ZNF213: variants seen among roughly 807,000 people sequenced by gnomAD.
The protein encoded by ZNF213 is zinc finger protein 213.
Under a neutral mutation model 46.0 loss-of-function variants are expected in ZNF213, and 32 were observed. The observed-to-expected ratio is 0.70, with a 90% CI of 0.52 to 0.93. The LOEUF (loss-of-function observed/expected upper bound fraction) is 0.93. Ranked by LOEUF, ZNF213 falls within the 40% of genes least tolerant of loss-of-function variation. The pLI is 0.00. For missense variants in ZNF213, 639 were observed against 652.8 expected, an observed-to-expected ratio of 0.98 and a Z score of 0.23; for synonymous variants, 297 against 271.0, an observed-to-expected ratio of 1.10 and a Z score of -0.94.
rs1957613868 is a variant in ZNF213, at chr16:3,142,219, C to G, written c.*872C>G. ...CTGCTCCATCGGCACTGGCGCCCTG[C>G]TCCATCGGCACTAATGCTCCACTCG... On this transcript the variant is annotated 3_prime_UTR_variant, in exon 6 of 6. Coordinates refer to ENST00000396878, the MANE Select transcript of ZNF213 (RefSeq NM_004220.3). 1 of 230,322 alleles carries G rather than the reference C, an allele frequency of 4.3e-6. No individual in the cohort carries two copies. The highest frequency in any genetic ancestry group is 2.4e-5 in the African/African-American group (1 of 42,290). The allele number at this position is 230,322 out of a possible 1,614,324, so 14.3% of individuals were successfully genotyped here.
At chr16:3,138,312 AC>A (rs755491500) in intron 2 of ZNF213, 105 bp from the exon 3 acceptor site, 291 of 1,543,726 alleles carry the variant, frequency 1.9e-4, no homozygotes, top group Non-Finnish European at 2.4e-4. Flanking sequence ...TCCTTCCCAC[AC>A]CCCAGCATCC....
chr16:3,140,639 T>A (rs768271283), intron 5 of ZNF213, 50 bp from the exon 6 acceptor site: 12 of 1,467,986 alleles, frequency 8.2e-6, no homozygotes, highest in Non-Finnish European at 1.1e-5. Flanking sequence ...ACCTCAGCTC[T>A]GGCCCCAGAA....
chr16:3,135,838 C>T (rs1321654173), intron 1 of ZNF213, among the ~76,000 whole-genome samples: 2 of 136,066 alleles, frequency 1.5e-5, no homozygotes, highest in Non-Finnish European at 1.6e-5. Context: ...CTTTTCTTTT[C>T]TTTCTTTTTT....
intron 4 of ZNF213, 70 bp downstream of exon 4, chr16:3,138,888 GTCC>G: frequency 6.2e-7 from 1 of 1,613,536 alleles, no homozygotes; most frequent in Non-Finnish European, 8.5e-7. Flanking sequence ...GGGACTTGCT[GTCC>G]CATCAGGCCT....
Position 3,141,005 on chromosome 16 carries a change from G to A in ZNF213, c.1038G>A (p.Lys346=). ...CGCACACGGGCGAGAAGCCACACAA[G>A]TGCCCTGAGTGCGACAAGAGCTTCC... is the stretch of plus-strand genomic sequence containing the variant. ...QRTHTGEKPH[K]CPECDKSFRS... The change falls in exon 6 of 6, where the codon AAG becomes AAA. Residue 346 remains lysine (K), a synonymous_variant. Transcript: ENST00000396878. The A allele has an allele frequency of 6.2e-7, 1 of 1,611,156 alleles. No homozygotes were observed. Among genetic ancestry groups the A allele is most frequent in the Non-Finnish European group, 8.5e-7 (1 of 1,179,394 alleles).
At chr16:3,136,016 G>C (rs1957532718) in intron 1 of ZNF213, among the ~76,000 whole-genome samples, 1 of 151,682 alleles carries the variant, frequency 6.6e-6, no homozygotes, top group Non-Finnish European at 1.5e-5. Context: ...TTTTGGTACA[G>C]ATGGCGTCTC....
In ZNF213 at chr16:3,141,017, C is replaced by A. The variant is rs745973561; in HGVS notation, c.1050C>A (p.Cys350Ter). 5 of 1,612,232 alleles carry A rather than the reference C, an allele frequency of 3.1e-6. No individual in the cohort carries two copies. Among genetic ancestry groups the A allele is most frequent in the Non-Finnish European group, 4.2e-6 (5 of 1,179,680 alleles). Residue 350 changes from cysteine to a stop codon, truncating the protein, a stop_gained, in exon 6 of 6, where the codon TGC (cysteine) becomes TGA (stop). Coordinates refer to ENST00000396878, the MANE Select transcript of ZNF213 (RefSeq NM_004220.3). LOFTEE classifies it high-confidence loss of function. ...AGAAGCCACACAAGTGCCCTGAGTG[C>A]GACAAGAGCTTCCGCAGCTCCTCGG... ...TGEKPHKCPECDKSFRSSSDL... is the reference protein window; with the variant it reads ...TGEKPHKCPE
At chr16:3,140,618 G>A in intron 5 of ZNF213, 71 bp from the exon 6 acceptor site, 2 of 1,442,162 alleles carry the variant, frequency 1.4e-6, no homozygotes, top group Non-Finnish European at 1.8e-6. Flanking sequence ...CCCCAGCCTT[G>A]TTTCTTCCTC....
chr16:3,138,872 T>C, intron 4 of ZNF213, 54 bp downstream of exon 4: 1 of 1,613,772 alleles, frequency 6.2e-7, no homozygotes, highest in Non-Finnish European at 8.5e-7. Flanking sequence ...GTTGAGTTTG[T>C]AAAATGGGAC....
chr16:3,138,965 C>T lies in ZNF213; in HGVS notation c.598-10C>T. 1 of 1,614,210 alleles carries T rather than the reference C, an allele frequency of 6.2e-7. No individual in the cohort carries two copies. The highest frequency in any genetic ancestry group is 8.5e-7 in the Non-Finnish European group (1 of 1,180,034). On this transcript the variant is annotated splice_polypyrimidine_tract_variant and intron_variant, in intron 4 of 5. Transcript: ENST00000396878. ...GGAGGCCTGAGCCGGGTCTTCTCAC[C>T]CCATTCCAGGGACCTGTGGCATTGG...
intron 2 of ZNF213, 51 bp downstream of exon 2, chr16:3,137,730 G>A (rs753082671): frequency 1.3e-6 from 2 of 1,583,760 alleles, no homozygotes; most frequent in African/African-American, 2.7e-5. Context: ...CTGAGCTCGA[G>A]AGAAGTGGGT....
Position 3,140,893 on chromosome 16 carries a change from G to T in ZNF213, c.926G>T (p.Arg309Leu). 1.3e-6 allele frequency: 2 copies of T among 1,583,736 alleles called. No homozygotes were observed. Among genetic ancestry groups the T allele is most frequent in the South Asian group, 1.1e-5 (1 of 89,578 alleles). Reference sequence around the variant, plus strand: ...CCACCCACTCGCCGGCGCCAGTTCCGGGACCTGGCAGCCGAGAAGCCGCAC... The same window carrying T: ...CCACCCACTCGCCGGCGCCAGTTCCTGGACCTGGCAGCCGAGAAGCCGCAC... The part of the protein sequence containing the change: ...GRPPTRRRQF[R>L]DLAAEKPHSC... Residue 309 changes from arginine (R) to leucine (L), a missense_variant, in exon 6 of 6, where the codon CGG (arginine) becomes CTG (leucine). Arg to Leu is a moderately radical substitution (Grantham distance 102, BLOSUM62 -2). Transcript: ENST00000396878.
At position 3,142,336 on chromosome 16, in the gene ZNF213, A is replaced by G; in HGVS notation, c.*989A>G. 5.4e-6 allele frequency: 1 copy of G among 186,734 alleles called. No homozygotes were observed. Among genetic ancestry groups the G allele is most frequent in the Non-Finnish European group, 1.1e-5 (1 of 87,666 alleles). 11.6% of individuals were successfully genotyped at this position (186,734 alleles called of 1,614,324 possible). A position where few individuals can be genotyped will look rare whatever the true frequency, so the allele number is the denominator to read the frequency against. On this transcript the variant is annotated 3_prime_UTR_variant, in exon 6 of 6. Coordinates refer to ENST00000396878, the MANE Select transcript of ZNF213 (RefSeq NM_004220.3). The stretch of plus-strand genomic sequence containing the variant: ...ACTAATGCTCCACTCCATTGGCACT[A>G]ACGCCCCAACTCCAGCGGCACTAAT...
intron 1 of ZNF213, among the ~76,000 whole-genome samples, chr16:3,136,792 C>A (rs1417884688): frequency 1.3e-5 from 2 of 151,756 alleles, no homozygotes; most frequent in African/African-American, 4.8e-5. Flanking sequence ...GGGTATAGCT[C>A]AATGAAATTT....
chr16:3,137,060 C>T, intron 1 of ZNF213, 106 bp from the exon 2 acceptor site: 1 of 558,076 alleles, frequency 1.8e-6, no homozygotes, highest in Non-Finnish European at 3.1e-6. Context: ...CTAGAAAAGG[C>T]TTCAGGGCCA....
At chr16:3,139,484 T>G in intron 5 of ZNF213, 1 of 191,886 alleles carries the variant, frequency 5.2e-6, no homozygotes, top group Non-Finnish European at 1.1e-5. Context: ...GCAGGGGTGC[T>G]GACGGGGAAC....
intron 3 of ZNF213, 98 bp downstream of exon 3, chr16:3,138,639 C>G (rs370740701): frequency 4.5e-5 from 73 of 1,609,186 alleles, no homozygotes; most frequent in African/African-American, 3.5e-4. Context: ...GGACAGCTCC[C>G]TCTGTGAAGT....
rs11862346 is a variant in ZNF213 at position 3,135,179 on chromosome 16, G to T, written c.-324G>T. The T allele has an allele frequency of 6.5e-6, 1 of 153,204 alleles. No individual in the cohort carries two copies. Among genetic ancestry groups the T allele is most frequent in the South Asian group, 1.8e-4 (1 of 5,668 alleles). The allele number at this position is 153,204 out of a possible 1,614,324, so 9.5% of individuals were successfully genotyped here. Reference sequence around the variant, plus strand: ...GCTCCAACATCAAGCACCGGGCTCCGAGTGGCCGGGATCAGCGCCCCGAGG... The same window carrying T: ...GCTCCAACATCAAGCACCGGGCTCCTAGTGGCCGGGATCAGCGCCCCGAGG... On this transcript the variant is annotated 5_prime_UTR_variant, in exon 1 of 6. Transcript: ENST00000396878.
At chr16:3,140,478 C>G in intron 5 of ZNF213, 1 of 654,722 alleles carries the variant, frequency 1.5e-6, no homozygotes, top group Non-Finnish European at 2.2e-6. Context: ...TCGCCTCAGC[C>G]TCCCAAAATG....
Sources: allele counts gnomAD v4.1 joint callset (sites outside exome capture counted in the v4.1 genomes callset), GRCh38; gene constraint gnomAD v4.1.1; transcripts MANE v1.5; gene names NCBI Gene and HGNC (gene_info 2026-07-23, HGNC 2026-07-21).